Variants in MAGI2 observed in about 807,000 individuals in gnomAD.
The protein encoded by MAGI2 is membrane-associated guanylate kinase, WW and PDZ domain-containing protein 2.
A neutral mutation model predicts 133.3 loss-of-function variants in MAGI2; 35 were observed. The ratio of observed to expected loss-of-function variants is 0.26; its 90% CI spans 0.20 to 0.35. The LOEUF (loss-of-function observed/expected upper bound fraction) is 0.35, where lower values mean the gene tolerates loss of function less well. Among genes scored for constraint, MAGI2 ranks in the 10% least tolerant of loss-of-function variants. MAGI2 has a pLI of 1.00. For missense variants in MAGI2, 1,636 were observed against 1,863.4 expected, an observed-to-expected ratio of 0.88 and a Z score of 2.25; for synonymous variants, 729 against 710.6, an observed-to-expected ratio of 1.03 and a Z score of -0.41.
At chr7:79,067,489 T>G (rs1814472672) in intron 1 of MAGI2, among the ~76,000 whole-genome samples, 1 of 152,226 alleles carries the variant, frequency 6.6e-6, no homozygotes, top group Non-Finnish European at 1.5e-5. Flanking sequence ...GCTTATCAGC[T>G]TAGGGAGATT....
chr7:79,252,144 G>A (rs1246456783), intron 1 of MAGI2, among the ~76,000 whole-genome samples: 1 of 104,160 alleles, frequency 9.6e-6, no homozygotes, highest in South Asian at 3.2e-4. Context: ...GGGTCAGAAT[G>A]AGACCCTGTC....
chr7:78,768,537 A>G (rs1825251691), intron 2 of MAGI2, among the ~76,000 whole-genome samples: 1 of 152,164 alleles, frequency 6.6e-6, no homozygotes, highest in Non-Finnish European at 1.5e-5. Flanking sequence ...TTCTCAGCCT[A>G]TGGGAAGGTG....
intron 1 of MAGI2, among the ~76,000 whole-genome samples, chr7:79,148,014 G>A (rs944736268): frequency 2.6e-5 from 4 of 152,156 alleles, no homozygotes; most frequent in Non-Finnish European, 5.9e-5. Context: ...AGATGGAATG[G>A]AGGCTTTCTG....
At chr7:78,805,010 G>T (rs1460462778) in intron 2 of MAGI2, among the ~76,000 whole-genome samples, 1 of 151,480 alleles carries the variant, frequency 6.6e-6, no homozygotes, top group African/African-American at 2.4e-5. Context: ...GGAGGTTGCA[G>T]CGAGCCAAGA....
chr7:78,764,990 G>C (rs1049094766), intron 2 of MAGI2, among the ~76,000 whole-genome samples: 1 of 152,228 alleles, frequency 6.6e-6, no homozygotes, highest in Non-Finnish European at 1.5e-5. Context: ...AGGATGATCA[G>C]AGTGGGAGAT....
At chr7:78,569,261 AC>A (rs1801261242) in intron 3 of MAGI2, among the ~76,000 whole-genome samples, 1 of 152,222 alleles carries the variant, frequency 6.6e-6, no homozygotes, top group African/African-American at 2.4e-5. Context: ...TCCATAAAAT[AC>A]AAGCTTTATG....
At chr7:78,496,091 T>C (rs1054697950) in intron 5 of MAGI2, among the ~76,000 whole-genome samples, 1 of 152,224 alleles carries the variant, frequency 6.6e-6, no homozygotes, top group African/African-American at 2.4e-5. Flanking sequence ...ATAAATGTTG[T>C]TTAACGTTTT....
At chr7:78,817,083 G>T (rs138731498) in intron 2 of MAGI2, among the ~76,000 whole-genome samples, 1 of 152,140 alleles carries the variant, frequency 6.6e-6, no homozygotes, top group South Asian at 2.1e-4. Flanking sequence ...GAATCCAACC[G>T]TCATGGATGA....
intron 2 of MAGI2, among the ~76,000 whole-genome samples, chr7:78,755,456 A>T (rs968191275): frequency 6.6e-6 from 1 of 152,216 alleles, no homozygotes; most frequent in African/African-American, 2.4e-5. Context: ...CATGTTTCAA[A>T]GAGTCTATGG....
At chr7:78,102,726 C>T (rs1016643782) in intron 20 of MAGI2, among the ~76,000 whole-genome samples, 1 of 152,192 alleles carries the variant, frequency 6.6e-6, no homozygotes, top group Non-Finnish European at 1.5e-5. Flanking sequence ...GCTAAGCACA[C>T]TACCTAACAA....
At chr7:78,572,531 T>G (rs1801608372) in intron 3 of MAGI2, among the ~76,000 whole-genome samples, 1 of 152,168 alleles carries the variant, frequency 6.6e-6, no homozygotes, top group African/African-American at 2.4e-5. Flanking sequence ...TATATTCACA[T>G]ATTTTAGACA....
intron 7 of MAGI2, among the ~76,000 whole-genome samples, chr7:78,355,127 A>G (rs575707134): frequency 2.0e-5 from 3 of 152,216 alleles, no homozygotes; most frequent in Non-Finnish European, 2.9e-5. Flanking sequence ...AAAGCTTTGG[A>G]CAAATGAGAT....
In MAGI2 at chr7:78,663,310, G is replaced by A. The variant is rs1813185392; in HGVS notation, c.419-36071C>T. 1.3e-5 allele frequency among the ~76,000 whole-genome samples: 2 copies of A among 149,420 alleles called. 1 individual carries two copies. Among genetic ancestry groups the A allele is most frequent in the South Asian group, 4.2e-4 (2 of 4,754 alleles). The stretch of plus-strand genomic sequence containing the variant: ...CAATATCCGCCTCCCGGGTTCAAGC[G>A]ATTTTCCTGCCTCAGCCTCCTAAGT... On this transcript the variant is annotated intron_variant, in intron 2 of 21. Transcript: ENST00000354212.
chr7:78,150,689 A>G (rs999938261), intron 16 of MAGI2, among the ~76,000 whole-genome samples: 3 of 152,214 alleles, frequency 2.0e-5, no homozygotes, highest in Non-Finnish European at 4.4e-5. Context: ...TGAATAGCTA[A>G]AGGTAAGAAG....
At chr7:78,268,367 G>A (rs1291102068) in intron 9 of MAGI2, among the ~76,000 whole-genome samples, 2 of 152,088 alleles carry the variant, frequency 1.3e-5, no homozygotes, top group African/African-American at 4.8e-5. Flanking sequence ...ATATATTGTT[G>A]GAGATCAGGG....
chr7:79,273,852 T>C (rs1198943623), intron 1 of MAGI2, among the ~76,000 whole-genome samples: 3 of 152,124 alleles, frequency 2.0e-5, no homozygotes, highest in Non-Finnish European at 4.4e-5. Context: ...TGTGTTCTGA[T>C]GTTTGTTTAT....
At chr7:78,990,349 C>A (rs1201356756) in intron 2 of MAGI2, among the ~76,000 whole-genome samples, 5 of 152,028 alleles carry the variant, frequency 3.3e-5, no homozygotes, top group Admixed American at 3.3e-4. Flanking sequence ...ATAGTTCAAA[C>A]CTTCTAATCA....
intron 3 of MAGI2, among the ~76,000 whole-genome samples, chr7:78,544,897 G>T (rs1017507019): frequency 6.6e-6 from 1 of 151,648 alleles, no homozygotes; most frequent in African/African-American, 2.4e-5. Flanking sequence ...GACTTCAGGT[G>T]ATTTGCCTGC....
intron 1 of MAGI2, among the ~76,000 whole-genome samples, chr7:79,250,938 T>C (rs550119838): frequency 4.6e-5 from 7 of 152,174 alleles, no homozygotes; most frequent in African/African-American, 1.7e-4. Context: ...AATCCATACA[T>C]CTACAGTGAA....
Sources: gnomAD v4.1 joint callset for allele counts (sites outside exome capture counted in the v4.1 genomes callset) on GRCh38, gnomAD v4.1.1 for gene constraint, MANE v1.5 for transcripts, NCBI Gene and HGNC (gene_info 2026-07-23, HGNC 2026-07-21) for gene names.